The following COL22A1 variants were observed in gnomAD, a reference collection of about 807,000 sequenced individuals.
COL22A1 encodes collagen alpha-1(XXII) chain.
A neutral mutation model predicts 248.9 loss-of-function variants in COL22A1; 221 were observed. That is an observed-to-expected ratio of 0.89 (90% CI 0.80 to 0.99). The LOEUF (loss-of-function observed/expected upper bound fraction) is 0.99, where lower values mean the gene tolerates loss of function less well. Among genes scored for constraint, COL22A1 ranks in the 50% least tolerant of loss-of-function variants. The pLI, the probability that COL22A1 is intolerant of heterozygous loss-of-function variation, is 0.00. For synonymous variants in COL22A1, 891 were observed against 793.4 expected (o/e 1.12, Z -2.07); for missense variants, 2,240 against 2,179.0 (o/e 1.03, Z -0.56).
At chr8:138,909,702 G>C (rs1815300516) in intron 1 of COL22A1, among the ~76,000 whole-genome samples, 1 of 152,218 alleles carries the variant, frequency 6.6e-6, no homozygotes, top group African/African-American at 2.4e-5. Flanking sequence ...TAGCATGGCT[G>C]AGTTTGTCCC....
intron 10 of COL22A1, among the ~76,000 whole-genome samples, chr8:138,807,081 G>A (rs902020224): frequency 2.6e-5 from 4 of 152,108 alleles, no homozygotes; most frequent in Non-Finnish European, 4.4e-5. Context: ...GAAAGAGAGA[G>A]ATGAAAAGAG....
chr8:138,665,843 A>C (rs1430990032), intron 41 of COL22A1, among the ~76,000 whole-genome samples: 1 of 152,232 alleles, frequency 6.6e-6, no homozygotes, highest in Non-Finnish European at 1.5e-5. Context: ...GGCATTATCC[A>C]GAAAGATCTG....
At chr8:138,824,339 C>T (rs1819400871) in intron 6 of COL22A1, among the ~76,000 whole-genome samples, 1 of 152,186 alleles carries the variant, frequency 6.6e-6, no homozygotes, top group African/African-American at 2.4e-5. Context: ...GGGGAAGGCA[C>T]TTTCTATGTC....
At chr8:138,614,620 G>T (rs116896638) in intron 55 of COL22A1, among the ~76,000 whole-genome samples, 1 of 152,076 alleles carries the variant, frequency 6.6e-6, no homozygotes, top group Non-Finnish European at 1.5e-5. Context: ...TCCTGCCTGG[G>T]TAGCACCCTG....
At chr8:138,854,401 A>C (rs1821862748) in intron 3 of COL22A1, among the ~76,000 whole-genome samples, 1 of 152,120 alleles carries the variant, frequency 6.6e-6, no homozygotes, top group Non-Finnish European at 1.5e-5. Context: ...AGCCTTCCTG[A>C]AGGATTTTGA....
At chr8:138,906,617 A>G (rs1475425200) in intron 1 of COL22A1, among the ~76,000 whole-genome samples, 1 of 151,952 alleles carries the variant, frequency 6.6e-6, no homozygotes, top group Non-Finnish European at 1.5e-5. Context: ...TTCTGAGAAG[A>G]TAGAAAACAT....
chr8:138,841,842 G>T (rs930993341), intron 4 of COL22A1, among the ~76,000 whole-genome samples: 1 of 152,194 alleles, frequency 6.6e-6, no homozygotes, highest in African/African-American at 2.4e-5. Flanking sequence ...TGCAATGACA[G>T]CAAAAGTGCT....
chr8:138,863,410 G>A (rs992131360), intron 3 of COL22A1, among the ~76,000 whole-genome samples: 4 of 152,146 alleles, frequency 2.6e-5, no homozygotes, highest in South Asian at 2.1e-4. Flanking sequence ...TGTACATGAC[G>A]CAGTGAGGAG....
chr8:138,599,348 A>G lies in COL22A1; in HGVS notation c.4186-450T>C, dbSNP rs1817812966. 5.3e-5 allele frequency among the ~76,000 whole-genome samples: 8 copies of G among 152,174 alleles called. 1 individual carries two copies. The South Asian group carries it at 1.5e-3, about 28-fold the overall frequency. ...CAAAACATTAGCCGGGCGTGGTGGC[A>G]GGTGCCTGTAGTCCCAGCTACTCAG... On this transcript the variant is annotated intron_variant, in intron 60 of 64. Coordinates refer to ENST00000303045, the MANE Select transcript of COL22A1 (RefSeq NM_152888.3).
At chr8:138,589,492 G>A (rs1290703506) in intron 64 of COL22A1, 52 bp from the exon 65 acceptor site, 1 of 1,388,896 alleles carries the variant, frequency 7.2e-7, no homozygotes, top group East Asian at 2.6e-5. Context: ...CTTCTGGGAG[G>A]GGATGGGCCC....
chr8:138,806,136 G>GT, intron 10 of COL22A1, among the ~76,000 whole-genome samples: 1 of 135,118 alleles, frequency 7.4e-6, no homozygotes, highest in African/African-American at 3.0e-5. Flanking sequence ...AATGGTGTGT[G>GT]GTGGTGTGTG....
chr8:138,643,647 T>TAGATAGATAGATAGATAGATAGACAGAC (rs568597361), intron 47 of COL22A1, among the ~76,000 whole-genome samples: 1 of 26,594 alleles, frequency 3.8e-5, no homozygotes, highest in African/African-American at 5.9e-5. Flanking sequence ...GATAGATAGA[T>TAGATAGATAGATAGATAGATAGACAGAC]AGACAGATAG....
At chr8:138,823,405 G>A (rs2131768253) in intron 6 of COL22A1, among the ~76,000 whole-genome samples, 1 of 152,252 alleles carries the variant, frequency 6.6e-6, no homozygotes, top group South Asian at 2.1e-4. Context: ...ATCCCAAGAT[G>A]TGATTTATTG....
At chr8:138,759,844 G>A (rs1833304038) in intron 18 of COL22A1, among the ~76,000 whole-genome samples, 1 of 152,090 alleles carries the variant, frequency 6.6e-6, no homozygotes, top group Non-Finnish European at 1.5e-5. Context: ...AGTAGAGAAG[G>A]AGAAAAGAAG....
intron 58 of COL22A1, among the ~76,000 whole-genome samples, chr8:138,605,926 C>T (rs1405876710): frequency 1.3e-5 from 2 of 152,122 alleles, no homozygotes; most frequent in South Asian, 2.1e-4. Context: ...ACTTGCTCAC[C>T]TTTACTATTA....
chr8:138,655,394 T>C (rs1033345985), intron 45 of COL22A1, among the ~76,000 whole-genome samples: 3 of 152,192 alleles, frequency 2.0e-5, no homozygotes, highest in African/African-American at 7.2e-5. Context: ...GGTCTTGCTC[T>C]GTCACCCAGG....
chr8:138,698,645 A>G (rs1827712508), intron 32 of COL22A1, among the ~76,000 whole-genome samples: 1 of 151,834 alleles, frequency 6.6e-6, no homozygotes, highest in Non-Finnish European at 1.5e-5. Flanking sequence ...CCTGCAGGTG[A>G]AAGAGGTGCT....
chr8:138,812,692 G>A (rs988181993), intron 8 of COL22A1, among the ~76,000 whole-genome samples: 1 of 152,100 alleles, frequency 6.6e-6, no homozygotes, highest in African/African-American at 2.4e-5. Context: ...ATCCCCTAGA[G>A]CAAGGCTTCA....
chr8:138,743,456 GTTTTGGTGGTAA>G (rs1336946079), intron 22 of COL22A1, among the ~76,000 whole-genome samples: 118 of 147,716 alleles, frequency 8.0e-4, no homozygotes, highest in African/African-American at 2.0e-3. Context: ...GGAGTTGATG[GTTTTGGTGGTAA>G]TGATGGTGAT....
Sources: allele counts gnomAD v4.1 joint callset (sites outside exome capture counted in the v4.1 genomes callset), GRCh38; gene constraint gnomAD v4.1.1; transcripts MANE v1.5; gene names NCBI Gene and HGNC (gene_info 2026-07-23, HGNC 2026-07-21).